SNX3: variants seen among roughly 807,000 people sequenced by gnomAD.
SNX3 encodes the protein sorting nexin-3.
Under a neutral mutation model 17.7 loss-of-function variants are expected in SNX3, and 5 were observed. The observed-to-expected ratio is 0.28, with a 90% CI of 0.15 to 0.59. SNX3 has a LOEUF of 0.59. Ranked by LOEUF, SNX3 falls within the 20% of genes least tolerant of loss-of-function variation. SNX3 has a pLI of 0.88. For missense variants in SNX3, 132 were observed against 206.8 expected (o/e 0.64, Z 2.22); for synonymous variants, 91 against 76.5 (o/e 1.19, Z -0.99).
chr6:108,236,378 ATTTTTTT>A (rs1184591793), intron 1 of SNX3, among the ~76,000 whole-genome samples: 2 of 133,438 alleles, frequency 1.5e-5, no homozygotes, highest in African/African-American at 5.6e-5. Flanking sequence ...TATTATTATT[ATTTTTTT>A]TTTTTTTTTT....
intron 1 of SNX3, among the ~76,000 whole-genome samples, chr6:108,257,478 G>T (rs1391180880): frequency 6.6e-6 from 1 of 152,056 alleles, no homozygotes; most frequent in Non-Finnish European, 1.5e-5. Context: ...ATGCCACTGT[G>T]TTCCAGCCTG....
chr6:108,241,589 C>A (rs1775525134), intron 1 of SNX3, among the ~76,000 whole-genome samples: 1 of 151,910 alleles, frequency 6.6e-6, no homozygotes, highest in Non-Finnish European at 1.5e-5. Flanking sequence ...CAAACTGACT[C>A]AGGGTGACCC....
At chr6:108,222,792 TAC>T (rs1449710653) in intron 2 of SNX3, among the ~76,000 whole-genome samples, 156 bp downstream of exon 2, 5 of 152,190 alleles carry the variant, frequency 3.3e-5, no homozygotes, top group Non-Finnish European at 7.3e-5. Flanking sequence ...AAGGAAAATT[TAC>T]ACAGACTCTA....
chr6:108,222,474 C>T (rs574150453), intron 2 of SNX3, among the ~76,000 whole-genome samples: 55 of 152,294 alleles, frequency 3.6e-4, no homozygotes, highest in African/African-American at 1.3e-3. Flanking sequence ...TTTAAAAACG[C>T]TAATCTGAAG....
Position 108,212,133 on chromosome 6 carries a change from C to T in SNX3, c.*16G>A. On this transcript the variant is annotated 3_prime_UTR_variant, in exon 4 of 4. Coordinates refer to ENST00000230085, the MANE Select transcript of SNX3 (RefSeq NM_003795.6). ...CAATCATTAATAGTCACGTTTTTGC[C>T]CCTTCTTGCCAAATTTCAGGCATGT... 1.4e-6 allele frequency: 2 copies of T among 1,449,410 alleles called. No homozygotes were observed. The highest frequency in any genetic ancestry group is 2.0e-5 in the Admixed American group (1 of 51,256). 89.8% of individuals were successfully genotyped at this position (1,449,410 alleles called of 1,614,324 possible). A position where few individuals can be genotyped will look rare whatever the true frequency, so the allele number is the denominator to read the frequency against.
chr6:108,237,590 G>C (rs1377162457), intron 1 of SNX3, among the ~76,000 whole-genome samples: 4 of 152,062 alleles, frequency 2.6e-5, no homozygotes, highest in Non-Finnish European at 5.9e-5. Context: ...AAGAGCTCGA[G>C]ACCAGCCTGG....
At chr6:108,244,823 T>C (rs1775635077) in intron 1 of SNX3, among the ~76,000 whole-genome samples, 1 of 151,794 alleles carries the variant, frequency 6.6e-6, no homozygotes, top group Admixed American at 6.6e-5. Flanking sequence ...GTGTTTTCAG[T>C]AGAGACGGGG....
chr6:108,218,452 T>C (rs569357250), intron 2 of SNX3, among the ~76,000 whole-genome samples: 6 of 152,308 alleles, frequency 3.9e-5, no homozygotes, highest in Non-Finnish European at 7.3e-5. Flanking sequence ...ACAGCTGCTT[T>C]GGAAAAACGG....
At chr6:108,248,480 C>T (rs1434292943) in intron 1 of SNX3, among the ~76,000 whole-genome samples, 3 of 152,058 alleles carry the variant, frequency 2.0e-5, no homozygotes, top group Non-Finnish European at 4.4e-5. Context: ...TCAACTGACC[C>T]ACAGGAGCTA....
chr6:108,251,832 T>A (rs1408938165), intron 1 of SNX3, among the ~76,000 whole-genome samples: 1 of 151,982 alleles, frequency 6.6e-6, no homozygotes, highest in East Asian at 1.9e-4. Flanking sequence ...GAGGCTGAAG[T>A]GGGCATATCA....
chr6:108,214,359 A>T, intron 3 of SNX3, 139 bp downstream of exon 3: 1 of 722,902 alleles, frequency 1.4e-6, no homozygotes, highest in Non-Finnish European at 2.2e-6. Flanking sequence ...AACTTGTCAG[A>T]TACTTTTACT....
chr6:108,228,347 G>A (rs558205573), intron 1 of SNX3, among the ~76,000 whole-genome samples: 1 of 151,942 alleles, frequency 6.6e-6, no homozygotes, highest in Non-Finnish European at 1.5e-5. Flanking sequence ...TCAGGAGTTC[G>A]CGACCAGCCT....
chr6:108,238,539 C>T lies in SNX3; in HGVS notation c.163-15494G>A, dbSNP rs574740514. Among the ~76,000 whole-genome samples, 4 of 152,030 alleles carry T rather than the reference C, an allele frequency of 2.6e-5. No individual in the cohort carries two copies. In the East Asian group the frequency reaches 7.7e-4, roughly 29 times the overall value. The stretch of plus-strand genomic sequence containing the variant: ...CAGCTACTAGGGAGCCTGAGGTAGG[C>T]GGATCCTTTGAGCCCAGGAATTTGA... On this transcript the variant is annotated intron_variant, in intron 1 of 3. Transcript: ENST00000230085.
At chr6:108,254,126 CAAAGA>C (rs574310768) in intron 1 of SNX3, among the ~76,000 whole-genome samples, 2,676 of 95,144 alleles carry the variant, frequency 0.028, 39 homozygotes, top group Middle Eastern at 0.09. Context: ...GATTCCGTCT[CAAAGA>C]AAAAAAAAAA....
At chr6:108,247,038 A>C (rs1355131056) in intron 1 of SNX3, among the ~76,000 whole-genome samples, 2 of 152,154 alleles carry the variant, frequency 1.3e-5, no homozygotes, top group Non-Finnish European at 2.9e-5. Flanking sequence ...GTAAACCCCC[A>C]GGTGACCGTA....
chr6:108,226,824 C>A (rs1370657611), intron 1 of SNX3, among the ~76,000 whole-genome samples: 6 of 152,164 alleles, frequency 3.9e-5, no homozygotes, highest in African/African-American at 1.2e-4. Context: ...GAATTTTCAA[C>A]AGATGCTATT....
At chr6:108,248,764 C>T (rs1775764671) in intron 1 of SNX3, among the ~76,000 whole-genome samples, 1 of 151,884 alleles carries the variant, frequency 6.6e-6, no homozygotes, top group East Asian at 1.9e-4. Flanking sequence ...TAATTCCTTC[C>T]TTTCTTTTTT....
chr6:108,238,529 C>A (rs754013092), intron 1 of SNX3, among the ~76,000 whole-genome samples: 1 of 151,962 alleles, frequency 6.6e-6, no homozygotes, highest in Non-Finnish European at 1.5e-5. Flanking sequence ...ACTAGGGAGC[C>A]TGAGGTAGGC....
At chr6:108,248,901 C>T (rs1582507147) in intron 1 of SNX3, among the ~76,000 whole-genome samples, 1 of 152,044 alleles carries the variant, frequency 6.6e-6, no homozygotes, top group East Asian at 1.9e-4. Flanking sequence ...GCTGGGACTA[C>T]AGGTATGCAT....
Sources: allele counts gnomAD v4.1 joint callset (sites outside exome capture counted in the v4.1 genomes callset), GRCh38; gene constraint gnomAD v4.1.1; transcripts MANE v1.5; gene names NCBI Gene and HGNC (gene_info 2026-07-23, HGNC 2026-07-21).